Variants in CNDP2 observed in about 807,000 individuals in gnomAD.
CNDP2 encodes carnosine dipeptidase 2.
CNDP2 carries 38 observed loss-of-function variants against 55.0 expected under a neutral mutation model. The observed-to-expected ratio is 0.69, with a 90% CI of 0.53 to 0.90. The LOEUF (loss-of-function observed/expected upper bound fraction) is 0.90, where lower values mean the gene tolerates loss of function less well. Among genes scored for constraint, CNDP2 ranks in the 40% least tolerant of loss-of-function variants. The pLI, the probability that CNDP2 is intolerant of heterozygous loss-of-function variation, is 0.00. For synonymous variants in CNDP2, 241 were observed against 260.2 expected, an observed-to-expected ratio of 0.93 and a Z score of 0.71; for missense variants, 607 against 621.7, an observed-to-expected ratio of 0.98 and a Z score of 0.25.
intron 4 of CNDP2, chr18:74,508,608 T>A: frequency 9.1e-6 from 4 of 440,520 alleles, no homozygotes; most frequent in South Asian, 6.8e-5. Flanking sequence ...GTGACCACGG[T>A]GGGAGAAGGA....
At chr18:74,509,349 G>T (rs758264739) in intron 5 of CNDP2, 1 of 161,974 alleles carries the variant, frequency 6.2e-6, no homozygotes, top group Non-Finnish European at 1.4e-5. Context: ...CTCTGGCTGG[G>T]TGCAGTGGCT....
At chr18:74,516,005 T>A (rs1195286202) in intron 8 of CNDP2, among the ~76,000 whole-genome samples, 3 of 152,184 alleles carry the variant, frequency 2.0e-5, no homozygotes, top group East Asian at 3.9e-4. Context: ...GGCAGTGAAA[T>A]GCCTCACCTG....
chr18:74,508,819 A>G (rs1056261260), intron 4 of CNDP2, 21 bp from the exon 5 acceptor site: 2 of 1,605,824 alleles, frequency 1.2e-6, no homozygotes, highest in Non-Finnish European at 1.7e-6. Context: ...CACTTTATGA[A>G]TTTGTGGATT....
Position 74,506,144 on chromosome 18 carries a change from C to CT in CNDP2, c.367+140dup, listed in dbSNP as rs945250935. ...ATTTATTTTATTACTTTTTAAAAAT[C>CT]TTTTTTTGAGACAGAGTCTCACTCT... On this transcript the variant is annotated intron_variant, in intron 4 of 11. Coordinates refer to ENST00000324262, the MANE Select transcript of CNDP2 (RefSeq NM_018235.3). 4.5e-6 allele frequency: 4 copies of CT among 880,854 alleles called. No individual in the cohort carries two copies. In the African/African-American group the frequency reaches 7.0e-5, roughly 15 times the overall value. 54.6% of individuals were successfully genotyped at this position (880,854 alleles called of 1,614,324 possible). A position where few individuals can be genotyped will look rare whatever the true frequency, so the allele number is the denominator to read the frequency against.
intron 8 of CNDP2, 117 bp downstream of exon 8, chr18:74,513,836 C>T: frequency 9.5e-7 from 1 of 1,053,794 alleles, no homozygotes; most frequent in Non-Finnish European, 1.4e-6. Flanking sequence ...GCTGGAATGT[C>T]CGATGCACAT....
rs1192408937 is a variant in CNDP2, at chr18:74,501,276, C to T, written c.61-53C>T. On this transcript the variant is annotated intron_variant, in intron 2 of 11. Transcript: ENST00000324262. ...TGTGGCAACGTTACGGGAGCCTCTT[C>T]TCCCTCAAGGACACCTTTTCAGAAT... 2.5e-6 allele frequency: 4 copies of T among 1,572,430 alleles called. No homozygotes were observed. The African/African-American group carries it at 5.4e-5, about 21-fold the overall frequency.
At position 74,505,862 on chromosome 18, in the gene CNDP2, C is replaced by A. The variant is rs753182696; in HGVS notation, c.218C>A (p.Ser73Ter). Residue 73 changes from serine to a stop codon, truncating the protein, a stop_gained, in exon 4 of 12, where the codon TCG becomes TAG. Coordinates refer to ENST00000324262, the MANE Select transcript of CNDP2 (RefSeq NM_018235.3). LOFTEE classifies it high-confidence loss of function. ...DIGKQKLPDG[S>*]EIPLPPILLG... Reference sequence around the variant, plus strand: ...CTCCATGCTCAGCTCCCTGATGGCTCGGAGATCCCGCTCCCTCCTATTCTG... The same window carrying A: ...CTCCATGCTCAGCTCCCTGATGGCTAGGAGATCCCGCTCCCTCCTATTCTG... 1 of 1,611,946 alleles carries A rather than the reference C, an allele frequency of 6.2e-7. No individual in the cohort carries two copies. Among genetic ancestry groups the A allele is most frequent in the African/African-American group, 1.3e-5 (1 of 74,778 alleles).
At chr18:74,506,033 G>A (rs199778625) in intron 4 of CNDP2, 22 bp downstream of exon 4, 34 of 1,535,204 alleles carry the variant, frequency 2.2e-5, no homozygotes, top group East Asian at 9.4e-5. Flanking sequence ...GCGCCTATGC[G>A]TGCCCAGAGG....
chr18:74,519,066 G>A lies in CNDP2; in HGVS notation c.1328G>A (p.Gly443Glu). The A allele has an allele frequency of 6.2e-7, 1 of 1,611,512 alleles. No individual in the cohort carries two copies. Among genetic ancestry groups the A allele is most frequent in the South Asian group, 1.1e-5 (1 of 91,006 alleles). ...CTGCCTGTGGGGTCAGCGGATGACG[G>A]AGCCCACTCCCAGAATGAAAAGCTC... ...MLLPVGSADDGAHSQNEKLNR... is the reference protein window; with the variant it reads ...MLLPVGSADDEAHSQNEKLNR... The change falls in exon 11 of 12, where the codon GGA becomes GAA. Residue 443 changes from glycine to glutamate, a missense_variant. Transcript: ENST00000324262.
At chr18:74,515,944 G>A (rs917449853) in intron 8 of CNDP2, among the ~76,000 whole-genome samples, 1 of 152,216 alleles carries the variant, frequency 6.6e-6, no homozygotes, top group African/African-American at 2.4e-5. Flanking sequence ...TGGCCAGCGT[G>A]GCTCGCCTAG....
intron 11 of CNDP2, 81 bp downstream of exon 11, chr18:74,519,177 C>G: frequency 6.7e-7 from 1 of 1,492,618 alleles, no homozygotes; most frequent in Non-Finnish European, 8.9e-7. Flanking sequence ...CCGTGTGCAG[C>G]TGCCAAGAGA....
Position 74,501,485 on chromosome 18 carries a change from ATTCTTTGCATT to A in CNDP2, c.204+14_204+24del. On this transcript the variant is annotated intron_variant, in intron 3 of 11. Transcript: ENST00000324262. ...CGGAAAACAAAAGGTAGGAGGCAAC[ATTCTTTGCATT>A]GCAGGACCGTAGACAGATTCTGCCT... The A allele has an allele frequency of 3.1e-6, 5 of 1,611,310 alleles. No homozygotes were observed. The highest frequency in any genetic ancestry group is 4.2e-6 in the Non-Finnish European group (5 of 1,178,458).
In CNDP2 at chr18:74,501,537, C is replaced by T. The variant is rs1048106154; in HGVS notation, c.204+65C>T. Reference sequence around the variant, plus strand: ...GATTCTGCCTGAGGGGTTGACAAGACGCCACAAGTTCTTAAAAGATCTTTT... The same window carrying T: ...GATTCTGCCTGAGGGGTTGACAAGATGCCACAAGTTCTTAAAAGATCTTTT... On this transcript the variant is annotated intron_variant, in intron 3 of 11. Transcript: ENST00000324262. The T allele has an allele frequency of 1.4e-5, 22 of 1,521,598 alleles. No homozygotes were observed. The East Asian group carries it at 2.3e-4, about 16-fold the overall frequency. The allele number at this position is 1,521,598 out of a possible 1,614,324, so 94.3% of individuals were successfully genotyped here.
intron 3 of CNDP2, chr18:74,505,093 T>C (rs920459682): frequency 5.3e-5 from 8 of 152,236 alleles, no homozygotes; most frequent in African/African-American, 1.9e-4. Flanking sequence ...AATGTGAATT[T>C]AGGTATAAAG....
Position 74,520,295 on chromosome 18 carries a change from C to CA in CNDP2, c.*228dup, listed in dbSNP as rs1979979300. 5.7e-6 allele frequency: 3 copies of CA among 524,420 alleles called. No homozygotes were observed. The highest frequency in any genetic ancestry group is 1.0e-5 in the Non-Finnish European group (3 of 288,354). 32.5% of individuals were successfully genotyped at this position (524,420 alleles called of 1,614,324 possible). A position where few individuals can be genotyped will look rare whatever the true frequency, so the allele number is the denominator to read the frequency against. On this transcript the variant is annotated 3_prime_UTR_variant, in exon 12 of 12. Coordinates refer to ENST00000324262, the MANE Select transcript of CNDP2 (RefSeq NM_018235.3). ...AGCTGAGTCACCCTGGGTAAGTTCT[C>CA]AGAGTGGTCAGGATGGCTTGACCTG... is the stretch of plus-strand genomic sequence containing the variant.
At chr18:74,511,707 C>CAAAA (rs35283725) in intron 6 of CNDP2, among the ~76,000 whole-genome samples, 1 of 115,228 alleles carries the variant, frequency 8.7e-6, no homozygotes. Flanking sequence ...GACTCCACTT[C>CAAAA]AAAAAAAAAA....
rs1220468364 is a variant in CNDP2 at position 74,520,224 on chromosome 18, C to T, written c.*156C>T. ...AACAGACACAAGTGTATCCAGCTGT[C>T]CACGGGTGGAGCTACCCGTTGGGCT... is the stretch of plus-strand genomic sequence containing the variant. On this transcript the variant is annotated 3_prime_UTR_variant, in exon 12 of 12. Transcript: ENST00000324262. The T allele has an allele frequency of 1.5e-6, 1 of 677,442 alleles. No homozygotes were observed. The highest frequency in any genetic ancestry group is 2.6e-5 in the Admixed American group (1 of 38,152). The allele number at this position is 677,442 out of a possible 1,614,324, so 42.0% of individuals were successfully genotyped here.
intron 2 of CNDP2, 38 bp from the exon 3 acceptor site, chr18:74,501,291 C>G: frequency 6.3e-7 from 1 of 1,598,308 alleles, no homozygotes; most frequent in Non-Finnish European, 8.5e-7. Flanking sequence ...TCAAGGACAC[C>G]TTTTCAGAAT....
chr18:74,516,013 C>T (rs555113681), intron 8 of CNDP2, among the ~76,000 whole-genome samples: 6 of 152,354 alleles, frequency 3.9e-5, no homozygotes, highest in African/African-American at 1.4e-4. Flanking sequence ...AATGCCTCAC[C>T]TGAGGGTGTG....
Sources: allele counts gnomAD v4.1 joint callset (sites outside exome capture counted in the v4.1 genomes callset), GRCh38; gene constraint gnomAD v4.1.1; transcripts MANE v1.5; gene names NCBI Gene and HGNC (gene_info 2026-07-23, HGNC 2026-07-21).